The following PRPF38B variants were observed in gnomAD, a reference collection of about 807,000 sequenced individuals.
PRPF38B encodes pre-mRNA processing factor 38B.
A neutral mutation model predicts 67.2 loss-of-function variants in PRPF38B; 18 were observed. That is an observed-to-expected ratio of 0.27 (90% CI 0.19 to 0.40). The LOEUF (loss-of-function observed/expected upper bound fraction) is 0.40, where lower values mean the gene tolerates loss of function less well. Ranked by LOEUF, PRPF38B falls within the 10% of genes least tolerant of loss-of-function variation. PRPF38B has a pLI of 1.00. For synonymous variants in PRPF38B, 246 were observed against 234.2 expected (o/e 1.05, Z -0.46); for missense variants, 544 against 684.9 (o/e 0.79, Z 2.30).
chr1:108,696,475 G>C, intron 4 of PRPF38B, 138 bp downstream of exon 4: 1 of 751,146 alleles, frequency 1.3e-6, no homozygotes, highest in Non-Finnish European at 2.2e-6. Flanking sequence ...TGGAATTAAT[G>C]TCCTTTTACT....
Position 108,692,399 on chromosome 1 carries a change from G to A in PRPF38B, c.-193G>A. 1.6e-6 allele frequency: 1 copy of A among 635,592 alleles called. No individual in the cohort carries two copies. The highest frequency in any genetic ancestry group is 2.6e-6 in the Non-Finnish European group (1 of 378,020). The allele number at this position is 635,592 out of a possible 1,614,324, so 39.4% of individuals were successfully genotyped here. A position where few individuals can be genotyped will look rare whatever the true frequency, so the allele number is the denominator to read the frequency against. On this transcript the variant is annotated 5_prime_UTR_variant, in exon 1 of 6. Transcript: ENST00000370025. ...GTGGAGTTCTCGCGGTCTGGGTTTC[G>A]CTGTCTGCTCTTGGCCCGGGGTCAT...
intron 5 of PRPF38B, 48 bp downstream of exon 5, chr1:108,698,875 A>G (rs2101050940): frequency 6.7e-7 from 1 of 1,496,062 alleles, no homozygotes; most frequent in East Asian, 2.4e-5. Context: ...TGCTTTATAC[A>G]AAATTAATGG....
chr1:108,699,458 A>G lies in PRPF38B; in HGVS notation c.1079A>G (p.Asn360Ser). The change falls in exon 6 of 6, where the codon AAT becomes AGT. Residue 360 changes from asparagine (N) to serine (S), a missense_variant. By Grantham distance (46) the Asn-to-Ser change is conservative. Around this residue, in one of 5 missense-constraint regions of PRPF38B, gnomAD observed 387 missense variants for 386.1 expected, o/e 1.00. Coordinates refer to ENST00000370025, the MANE Select transcript of PRPF38B (RefSeq NM_018061.4). ...RDRDREREKE[N>S]ERGRRRDRDY... ...AGGGATCGAGAAAGAGAGAAAGAAA[A>G]TGAGAGAGGTAGAAGACGAGATCGT... 6.2e-7 allele frequency: 1 copy of G among 1,612,654 alleles called. No homozygotes were observed. The highest frequency in any genetic ancestry group is 8.5e-7 in the Non-Finnish European group (1 of 1,179,212).
chr1:108,694,745 G>A (rs1659689864), intron 1 of PRPF38B, among the ~76,000 whole-genome samples: 1 of 151,204 alleles, frequency 6.6e-6, no homozygotes, highest in African/African-American at 2.5e-5. Flanking sequence ...TGAAAAAACA[G>A]GATTTTTTTT....
chr1:108,697,476 A>T (rs1055504211), intron 4 of PRPF38B: 2 of 145,940 alleles, frequency 1.4e-5, no homozygotes, highest in African/African-American at 5.2e-5. Context: ...GTGTTTTGTT[A>T]TTACATGCAC....
chr1:108,699,080 A>G, intron 5 of PRPF38B, 82 bp from the exon 6 acceptor site: 5 of 1,519,808 alleles, frequency 3.3e-6, no homozygotes, highest in Non-Finnish European at 4.4e-6. Context: ...ATGAATAAAT[A>G]ATGCTGTTGA....
chr1:108,692,748 GAGA>G lies in PRPF38B; in HGVS notation c.161_163del (p.Lys54del). 6.2e-7 allele frequency: 1 copy of G among 1,614,084 alleles called. No individual in the cohort carries two copies. The highest frequency in any genetic ancestry group is 8.5e-7 in the Non-Finnish European group (1 of 1,180,052). On this transcript the variant is annotated inframe_deletion, in exon 1 of 6. Coordinates refer to ENST00000370025, the MANE Select transcript of PRPF38B (RefSeq NM_018061.4). The stretch of plus-strand genomic sequence containing the variant: ...CAATGTGCTCCCGCTCTGGGGCAAC[GAGA>G]AGACCATGAACCTCAACCCCATGAT...
At chr1:108,696,363 T>C in intron 4 of PRPF38B, 26 bp downstream of exon 4, 1 of 1,576,914 alleles carries the variant, frequency 6.3e-7, no homozygotes, top group Admixed American at 1.7e-5. Context: ...TAATAATTTG[T>C]TTTCTTCTGA....
intron 5 of PRPF38B, 121 bp from the exon 6 acceptor site, chr1:108,699,040 GA>G (rs1660164575): frequency 6.7e-7 from 1 of 1,500,060 alleles, no homozygotes; most frequent in Admixed American, 2.4e-5. Flanking sequence ...TTGCTTTAAT[GA>G]TTCTTGACAT....
rs1274169666 is a variant in PRPF38B, at chr1:108,700,750, C to T, written c.*730C>T. 1.3e-5 allele frequency: 2 copies of T among 152,532 alleles called. No homozygotes were observed. The highest frequency in any genetic ancestry group is 6.5e-5 in the Admixed American group (1 of 15,278). The allele number at this position is 152,532 out of a possible 1,614,324, so 9.4% of individuals were successfully genotyped here. A position where few individuals can be genotyped will look rare whatever the true frequency, so the allele number is the denominator to read the frequency against. On this transcript the variant is annotated 3_prime_UTR_variant, in exon 6 of 6. Coordinates refer to ENST00000370025, the MANE Select transcript of PRPF38B (RefSeq NM_018061.4). ...TTTTCCTTTTTTATTTGAAAAAATA[C>T]ATGACATGTAATCTTTTTTTCTTGA...
intron 4 of PRPF38B, chr1:108,696,665 C>A: frequency 1.4e-6 from 1 of 708,860 alleles, no homozygotes; most frequent in South Asian, 1.5e-5. Context: ...GGGGCATGCT[C>A]AAGATCGAAC....
rs990850643 is a variant in PRPF38B at position 108,693,007 on chromosome 1, G to T, written c.276+140G>T. ...GGCGGAGGGGTGGCTGCGGCCTGTAGTGTGTCTGGGAGGGGTCGGACTGGG... is the reference window on the plus strand; with the variant it reads ...GGCGGAGGGGTGGCTGCGGCCTGTATTGTGTCTGGGAGGGGTCGGACTGGG... On this transcript the variant is annotated intron_variant, in intron 1 of 5. Transcript: ENST00000370025. 28 of 1,123,854 alleles carry T rather than the reference G, an allele frequency of 2.5e-5. 1 individual carries two copies. Among genetic ancestry groups the T allele is most frequent in the Non-Finnish European group, 3.3e-5 (27 of 811,280 alleles). The allele number at this position is 1,123,854 out of a possible 1,614,324, so 69.6% of individuals were successfully genotyped here.
In PRPF38B at chr1:108,692,359, C is replaced by A. The variant is rs545766580; in HGVS notation, c.-233C>A. On this transcript the variant is annotated 5_prime_UTR_variant, in exon 1 of 6. Transcript: ENST00000370025. ...GGAAGAGATCGAGCTCCCTGGCTGC[C>A]GGCTCGCCTTCTGCGTGGAGTTCTC... 10 of 561,250 alleles carry A rather than the reference C, an allele frequency of 1.8e-5. No homozygotes were observed. Among genetic ancestry groups the A allele is most frequent in the East Asian group, 3.1e-5 (1 of 32,354 alleles). 34.8% of individuals were successfully genotyped at this position (561,250 alleles called of 1,614,324 possible).
At chr1:108,693,022 G>T (rs1411371235) in intron 1 of PRPF38B, among the ~76,000 whole-genome samples, 155 bp downstream of exon 1, 8 of 152,150 alleles carry the variant, frequency 5.3e-5, no homozygotes, top group Non-Finnish European at 1.5e-5. Flanking sequence ...TCTGGGAGGG[G>T]TCGGACTGGG....
At position 108,698,763 on chromosome 1, in the gene PRPF38B, A is replaced by G. The variant is rs748361170; in HGVS notation, c.718A>G (p.Ile240Val). 6.2e-7 allele frequency: 1 copy of G among 1,614,078 alleles called. No homozygotes were observed. The highest frequency in any genetic ancestry group is 1.1e-5 in the South Asian group (1 of 91,086). Residue 240 changes from isoleucine to valine, a missense_variant, in exon 5 of 6, where the codon ATC (isoleucine) becomes GTC (valine). By Grantham distance (29) the Ile-to-Val change is conservative (BLOSUM62 3). This residue lies in a region of PRPF38B where 387 missense variants were observed against 386.1 expected (regional missense o/e 1.00). Coordinates refer to ENST00000370025, the MANE Select transcript of PRPF38B (RefSeq NM_018061.4). ...DQQIKTRPRK[I>V]KKDGKEGAEE... is the part of the protein sequence containing the mutation. ...ACAGATTAAAACCCGACCTAGAAAAATCAAGAAAGATGGGAAGGAAGGTGC... is the reference window on the plus strand; with the variant it reads ...ACAGATTAAAACCCGACCTAGAAAAGTCAAGAAAGATGGGAAGGAAGGTGC...
chr1:108,696,344 CAACAAGGGTAAT>C lies in PRPF38B; in HGVS notation c.558+10_558+21del. The stretch of plus-strand genomic sequence containing the variant: ...CTTCCTTGATGATGAAGAGGTATGT[CAACAAGGGTAAT>C]AATTTGTTTTCTTCTGATTACTCTC... On this transcript the variant is annotated splice_region_variant and intron_variant, in intron 4 of 5. Transcript: ENST00000370025. 6.2e-7 allele frequency: 1 copy of C among 1,602,528 alleles called. No homozygotes were observed.
At chr1:108,697,779 A>G (rs1054174402) in intron 4 of PRPF38B, 1 of 152,210 alleles carries the variant, frequency 6.6e-6, no homozygotes, top group African/African-American at 2.4e-5. Context: ...GAGGTCCTCT[A>G]TTTAAGCTAA....
Position 108,692,555 on chromosome 1 carries a change from C to A in PRPF38B, c.-37C>A, listed in dbSNP as rs778755730. Reference sequence around the variant, plus strand: ...AGCGAGATCGAGCTTGGCCCCCTCCCCCCCCTCCTTCCCTCCCTCCTTCCT... The same window carrying A: ...AGCGAGATCGAGCTTGGCCCCCTCCACCCCCTCCTTCCCTCCCTCCTTCCT... On this transcript the variant is annotated 5_prime_UTR_variant, in exon 1 of 6. Transcript: ENST00000370025. 23 of 1,489,058 alleles carry A rather than the reference C, an allele frequency of 1.5e-5. No individual in the cohort carries two copies. The highest frequency in any genetic ancestry group is 2.1e-5 in the Non-Finnish European group (23 of 1,111,740). The allele number at this position is 1,489,058 out of a possible 1,614,324, so 92.2% of individuals were successfully genotyped here. A position where few individuals can be genotyped will look rare whatever the true frequency, so the allele number is the denominator to read the frequency against.
chr1:108,698,549 T>G (rs1660112356), intron 4 of PRPF38B, 55 bp from the exon 5 acceptor site: 4 of 1,210,710 alleles, frequency 3.3e-6, no homozygotes, highest in South Asian at 1.4e-5. Flanking sequence ...ATAATATTCA[T>G]GTATATATGG....
Sources: allele counts gnomAD v4.1 joint callset (sites outside exome capture counted in the v4.1 genomes callset), GRCh38; gene constraint gnomAD v4.1.1; regional missense constraint gnomAD v4.1.1; transcripts MANE v1.5; gene names NCBI Gene and HGNC (gene_info 2026-07-23, HGNC 2026-07-21).